The following LOC400499 variants were observed in gnomAD, a reference collection of about 807,000 sequenced individuals.
chr16:11,441,112 C>G, the LOC400499 span: 1 of 398,928 alleles, frequency 2.5e-6, no homozygotes, highest in Non-Finnish European at 4.4e-6. Context: ...TGAGAGAGGT[C>G]TCATCCCATC....
the LOC400499 span, among the ~76,000 whole-genome samples, chr16:11,381,602 G>A: frequency 1.3e-5 from 2 of 152,210 alleles, no homozygotes; most frequent in Non-Finnish European, 2.9e-5. Flanking sequence ...CATAGACTAC[G>A]TAAATGAACG....
At chr16:11,445,071 A>G in the LOC400499 span, among the ~76,000 whole-genome samples, 1 of 145,360 alleles carries the variant, frequency 6.9e-6, no homozygotes, top group African/African-American at 2.6e-5. Context: ...CCTGGGTGAC[A>G]GAGTGAGACT....
At chr16:11,400,814 G>A in the LOC400499 span, among the ~76,000 whole-genome samples, 1 of 152,038 alleles carries the variant, frequency 6.6e-6, no homozygotes, top group Non-Finnish European at 1.5e-5. Flanking sequence ...CTTGAATTCT[G>A]GAGAGCGTCT....
At chr16:11,462,273 C>G in the LOC400499 span, 1 of 1,512,400 alleles carries the variant, frequency 6.6e-7, no homozygotes, top group Non-Finnish European at 8.8e-7. Context: ...TCAGCCTCGC[C>G]ACCCATGGCT....
At chr16:11,410,962 G>A in the LOC400499 span, among the ~76,000 whole-genome samples, 1 of 152,238 alleles carries the variant, frequency 6.6e-6, no homozygotes, top group Non-Finnish European at 1.5e-5. Context: ...GCCAGGCTGG[G>A]TGAGGCAATG....
At chr16:11,448,131 T>C in the LOC400499 span, 1 of 1,497,498 alleles carries the variant, frequency 6.7e-7, no homozygotes, top group Non-Finnish European at 8.9e-7. Context: ...GCTGCAGACC[T>C]GCCTTGCAGG....
chr16:11,431,211 C>G, the LOC400499 span: 1 of 398,886 alleles, frequency 2.5e-6, no homozygotes, highest in Non-Finnish European at 4.4e-6. Context: ...CCAGCAGTGC[C>G]TTGGAAAACA....
chr16:11,398,679 T>G, the LOC400499 span, among the ~76,000 whole-genome samples: 1 of 151,358 alleles, frequency 6.6e-6, no homozygotes, highest in South Asian at 2.1e-4. Flanking sequence ...TTTTTTTTTT[T>G]GAGACACTCT....
the LOC400499 span, among the ~76,000 whole-genome samples, chr16:11,391,232 G>C: frequency 6.6e-6 from 1 of 152,250 alleles, no homozygotes. Flanking sequence ...CTGGATGGCG[G>C]AGAGGCCAGA....
chr16:11,518,580 C>G, the LOC400499 span, among the ~76,000 whole-genome samples: 88,004 of 151,874 alleles, frequency 0.58, 27,262 homozygotes, highest in Non-Finnish European at 0.69. Context: ...TGCTGGGGGT[C>G]ACAGGCAGAA....
chr16:11,412,841 C>T, the LOC400499 span: 15 of 399,142 alleles, frequency 3.8e-5, no homozygotes, highest in Non-Finnish European at 5.7e-5. Flanking sequence ...CCCCCCTCAC[C>T]TGACTGCCTG....
the LOC400499 span, among the ~76,000 whole-genome samples, chr16:11,474,635 G>C: frequency 6.6e-6 from 1 of 151,984 alleles, no homozygotes; most frequent in Non-Finnish European, 1.5e-5. Context: ...CAAGGCAGGT[G>C]GATCACTTGA....
At chr16:11,475,520 A>C in the LOC400499 span, 1 of 396,332 alleles carries the variant, frequency 2.5e-6, no homozygotes, top group Non-Finnish European at 4.4e-6. Context: ...GAATATGAAT[A>C]CTTTTAGGGC....
chr16:11,493,023 G>C, the LOC400499 span, among the ~76,000 whole-genome samples: 2 of 152,128 alleles, frequency 1.3e-5, no homozygotes, highest in African/African-American at 2.4e-5. Flanking sequence ...GGGCAAGAGA[G>C]GGTCACAAGT....
At chr16:11,391,894 A>G in the LOC400499 span, 1 of 1,136,764 alleles carries the variant, frequency 8.8e-7, no homozygotes, top group Non-Finnish European at 1.1e-6. Flanking sequence ...AATCAGGGTG[A>G]GGTCCAGGGC....
chr16:11,459,310 C>A, the LOC400499 span, among the ~76,000 whole-genome samples: 4 of 150,358 alleles, frequency 2.7e-5, no homozygotes, highest in Non-Finnish European at 4.4e-5. Context: ...CATTCTCCTG[C>A]CTCAGCCTCC....
the LOC400499 span, chr16:11,469,565 G>A: frequency 2.5e-6 from 1 of 399,068 alleles, no homozygotes; most frequent in African/African-American, 2.1e-5. Context: ...TTGTTCTGGG[G>A]CAAGCTGTAG....
the LOC400499 span, among the ~76,000 whole-genome samples, chr16:11,448,238 G>C: frequency 6.6e-6 from 1 of 152,170 alleles, no homozygotes; most frequent in Non-Finnish European, 1.5e-5. Flanking sequence ...ACCCTGATCA[G>C]ACCACAGGAT....
At chr16:11,450,622 G>A in the LOC400499 span, 4 of 1,535,966 alleles carry the variant, frequency 2.6e-6, no homozygotes, top group Non-Finnish European at 3.5e-6. Flanking sequence ...GAGGTAGGTG[G>A]TAGCTGCGGT....
Sources: gnomAD v4.1 joint callset for allele counts (sites outside exome capture counted in the v4.1 genomes callset) on GRCh38, gnomAD v4.1.1 for gene constraint, MANE v1.5 for transcripts.